PRKCE: variants seen among roughly 807,000 people sequenced by gnomAD.
PRKCE encodes the protein protein kinase C epsilon, also known as protein kinase C epsilon type.
PRKCE carries 16 observed loss-of-function variants against 85.4 expected under a neutral mutation model. The observed-to-expected ratio is 0.19, with a 90% CI of 0.13 to 0.28. The LOEUF (loss-of-function observed/expected upper bound fraction) is 0.28, where lower values mean the gene tolerates loss of function less well. Among genes scored for constraint, PRKCE ranks in the 10% least tolerant of loss-of-function variants. PRKCE has a pLI of 1.00. For synonymous variants in PRKCE, 388 were observed against 371.5 expected, an observed-to-expected ratio of 1.04 and a Z score of -0.51; for missense variants, 573 against 975.2, an observed-to-expected ratio of 0.59 and a Z score of 5.49.
At chr2:45,813,181 C>A (rs867575801) in intron 1 of PRKCE, among the ~76,000 whole-genome samples, 10 of 152,150 alleles carry the variant, frequency 6.6e-5, no homozygotes, top group African/African-American at 2.4e-4. Flanking sequence ...AGCCAGGAAG[C>A]CATTACACCT....
At chr2:46,182,898 C>T (rs956883689) in intron 14 of PRKCE, among the ~76,000 whole-genome samples, 5 of 152,218 alleles carry the variant, frequency 3.3e-5, no homozygotes, top group Admixed American at 1.3e-4. Flanking sequence ...CAATTTCTCC[C>T]GTGTCCAGAT....
In PRKCE at chr2:45,895,620, G is replaced by A. The variant is rs958891356; in HGVS notation, c.412+52557G>A. Among the ~76,000 whole-genome samples the A allele has an allele frequency of 1.9e-4, 29 of 152,312 alleles. No homozygotes were observed. The highest frequency in any genetic ancestry group is 7.0e-4 in the African/African-American group (29 of 41,564). ...CAAAATGATCATGTTTTATTCATTT[G>A]GTAGAAGTCACTCTAATGGCATGCA... On this transcript the variant is annotated intron_variant, in intron 2 of 14. Transcript: ENST00000306156. The surrounding 1 kb of genome is among the most constrained non-coding windows in gnomAD (Gnocchi z 4.8).
intron 2 of PRKCE, among the ~76,000 whole-genome samples, chr2:45,868,634 T>C (rs940344266): frequency 2.7e-5 from 4 of 150,536 alleles, no homozygotes; most frequent in African/African-American, 9.7e-5. Context: ...GATTTTTGTC[T>C]TTTAAATAGC....
intron 2 of PRKCE, among the ~76,000 whole-genome samples, chr2:45,975,780 A>G (rs1272397269): frequency 1.3e-5 from 2 of 152,192 alleles, no homozygotes; most frequent in Non-Finnish European, 2.9e-5. Flanking sequence ...TTTACAGCCC[A>G]TGGTGGTGGT....
At chr2:45,693,995 C>T (rs1360850137) in intron 1 of PRKCE, among the ~76,000 whole-genome samples, 3 of 151,784 alleles carry the variant, frequency 2.0e-5, no homozygotes, top group African/African-American at 7.3e-5. Context: ...ATGTTTAATC[C>T]GTGAGGGTCA....
At chr2:46,164,735 C>G (rs1474463790) in intron 14 of PRKCE, 1 of 152,394 alleles carries the variant, frequency 6.6e-6, no homozygotes, top group African/African-American at 2.4e-5. Flanking sequence ...CCTCTCCACT[C>G]TCACTACAAG....
intron 11 of PRKCE, among the ~76,000 whole-genome samples, chr2:46,092,331 T>G (rs141972992): frequency 4.2e-3 from 636 of 151,786 alleles, no homozygotes; most frequent in Non-Finnish European, 6.0e-3. Context: ...CTCTTCCTCC[T>G]TAGATTCTCC....
chr2:45,773,202 T>G (rs111572885), intron 1 of PRKCE, among the ~76,000 whole-genome samples: 4 of 152,316 alleles, frequency 2.6e-5, no homozygotes, highest in African/African-American at 9.6e-5. Context: ...CTTCCAACTC[T>G]GCTCTCTGAT....
rs1034540901 is a variant in PRKCE at position 46,159,915 on chromosome 2, C to T, written c.2067+163C>T. ...TCTCCCTAAGACAATGTCTTTAGGC[C>T]CCAAGTGTTTACTATTGAAAACATG... is the stretch of plus-strand genomic sequence containing the variant. On this transcript the variant is annotated intron_variant, in intron 14 of 14. Coordinates refer to ENST00000306156, the MANE Select transcript of PRKCE (RefSeq NM_005400.3). This position sits in a 1 kb window ranked among gnomAD's most constrained non-coding sequence, Gnocchi z 4.1. 1 of 802,532 alleles carries T rather than the reference C, an allele frequency of 1.2e-6. No homozygotes were observed. The highest frequency in any genetic ancestry group is 1.8e-5 in the African/African-American group (1 of 55,640). 49.7% of individuals were successfully genotyped at this position (802,532 alleles called of 1,614,324 possible).
intron 2 of PRKCE, among the ~76,000 whole-genome samples, chr2:45,974,687 G>A (rs949265793): frequency 6.6e-6 from 1 of 152,094 alleles, no homozygotes; most frequent in African/African-American, 2.4e-5. Context: ...TGTTGTTCAG[G>A]TCATACATAT....
chr2:45,816,244 A>G (rs777248018), intron 1 of PRKCE, among the ~76,000 whole-genome samples: 1 of 151,904 alleles, frequency 6.6e-6, no homozygotes, highest in African/African-American at 2.4e-5. Flanking sequence ...GGCTTTACTT[A>G]CCTCTTTGCT....
At chr2:46,006,785 G>C (rs533748761) in intron 8 of PRKCE, among the ~76,000 whole-genome samples, 29 of 152,228 alleles carry the variant, frequency 1.9e-4, no homozygotes, top group Non-Finnish European at 4.1e-4. Flanking sequence ...TCTCGTAGTT[G>C]AGAAATTGTA....
intron 1 of PRKCE, among the ~76,000 whole-genome samples, chr2:45,688,180 G>C (rs1255030411): frequency 2.0e-5 from 3 of 152,172 alleles, no homozygotes; most frequent in Non-Finnish European, 4.4e-5. Flanking sequence ...ATAATTATAG[G>C]TGAGGAAATT....
chr2:45,976,301 C>G (rs1374139246), intron 2 of PRKCE, 128 bp from the exon 3 acceptor site: 3 of 1,116,162 alleles, frequency 2.7e-6, no homozygotes, highest in Non-Finnish European at 3.8e-6. Flanking sequence ...TCCCTCCACA[C>G]ACAAAGGCTA....
In PRKCE at chr2:46,068,116, T is replaced by G. The variant is rs547456338; in HGVS notation, c.1438-18092T>G. Among the ~76,000 whole-genome samples the G allele has an allele frequency of 4.0e-4, 61 of 152,280 alleles. No individual in the cohort carries two copies. The highest frequency in any genetic ancestry group is 1.4e-3 in the African/African-American group (60 of 41,568). ...TTTGTCTGCACTTTTACATTATCAG[T>G]GGGTAGAATCTCCCTTTGAGATTCT... On this transcript the variant is annotated intron_variant, in intron 10 of 14. Transcript: ENST00000306156. This position sits in a 1 kb window ranked among gnomAD's most constrained non-coding sequence, Gnocchi z 4.3.
intron 10 of PRKCE, among the ~76,000 whole-genome samples, chr2:46,069,407 A>G (rs1328536543): frequency 6.6e-6 from 1 of 152,192 alleles, no homozygotes; most frequent in Non-Finnish European, 1.5e-5. Context: ...AGGATTTTTT[A>G]AAGTATATAC....
chr2:45,932,302 C>T (rs567911445), intron 2 of PRKCE, among the ~76,000 whole-genome samples: 4 of 151,512 alleles, frequency 2.6e-5, no homozygotes, highest in South Asian at 2.1e-4. Flanking sequence ...GGAATATATC[C>T]GTTCTATAAC....
intron 11 of PRKCE, among the ~76,000 whole-genome samples, chr2:46,124,053 G>A (rs967675743): frequency 2.0e-5 from 3 of 152,148 alleles, no homozygotes; most frequent in African/African-American, 7.2e-5. Context: ...GGCTGGGTAT[G>A]GTGGCTCACA....
chr2:45,698,774 G>A (rs1171576046), intron 1 of PRKCE, among the ~76,000 whole-genome samples: 1 of 152,170 alleles, frequency 6.6e-6, no homozygotes, highest in African/African-American at 2.4e-5. Context: ...CCTGAGGGTG[G>A]CCAAGGACAG....
Sources: gnomAD v4.1 joint callset for allele counts (sites outside exome capture counted in the v4.1 genomes callset) on GRCh38, gnomAD v4.1.1 for gene constraint, Gnocchi (gnomAD v3.1) non-coding constraint, MANE v1.5 for transcripts, NCBI Gene and HGNC (gene_info 2026-07-23, HGNC 2026-07-21) for gene names.